The following ADGRV1 variants were observed in gnomAD, a reference collection of about 807,000 sequenced individuals.
The protein encoded by ADGRV1 is G-protein coupled receptor 98.
A neutral mutation model predicts 596.2 loss-of-function variants in ADGRV1; 359 were observed. That is an observed-to-expected ratio of 0.60 (90% CI 0.55 to 0.66). The LOEUF is 0.66. Ranked by LOEUF, ADGRV1 falls within the 30% of genes least tolerant of loss-of-function variation. The pLI, the probability that ADGRV1 is intolerant of heterozygous loss-of-function variation, is 0.00. For missense variants in ADGRV1, 7,274 were observed against 7,575.6 expected, an observed-to-expected ratio of 0.96 and a Z score of 1.48; for synonymous variants, 2,681 against 2,679.2, an observed-to-expected ratio of 1.00 and a Z score of -0.02.
intron 83 of ADGRV1, among the ~76,000 whole-genome samples, chr5:90,940,523 A>G (rs1329995212): frequency 2.0e-5 from 3 of 152,226 alleles, no homozygotes; most frequent in African/African-American, 7.2e-5. Context: ...ACATATATGC[A>G]CTGGGTATAA....
chr5:90,639,147 A>G (rs4588621), intron 11 of ADGRV1, among the ~76,000 whole-genome samples: 56,319 of 151,796 alleles, frequency 0.37, 11,545 homozygotes, highest in Admixed American at 0.54. Flanking sequence ...GTTTTAATAT[A>G]TGTTTCAGAC....
At chr5:90,998,510 C>G (rs1376997438) in intron 85 of ADGRV1, among the ~76,000 whole-genome samples, 2 of 151,934 alleles carry the variant, frequency 1.3e-5, no homozygotes, top group Non-Finnish European at 2.9e-5. Context: ...TTGTAATGTT[C>G]TATTGTGTTG....
intron 59 of ADGRV1, among the ~76,000 whole-genome samples, chr5:90,766,160 T>G (rs62373982): frequency 6.6e-6 from 1 of 152,080 alleles, no homozygotes; most frequent in African/African-American, 2.4e-5. Context: ...CCGCCCGCCT[T>G]GGCCTCCCAA....
chr5:90,596,055 G>C (rs553059278), intron 1 of ADGRV1, among the ~76,000 whole-genome samples: 19 of 144,064 alleles, frequency 1.3e-4, no homozygotes, highest in African/African-American at 5.0e-4. Flanking sequence ...CGGGCGGAGG[G>C]TCTCCTCACT....
chr5:90,567,098 T>C (rs930003018), intron 1 of ADGRV1, among the ~76,000 whole-genome samples: 2 of 152,168 alleles, frequency 1.3e-5, no homozygotes, highest in African/African-American at 4.8e-5. Flanking sequence ...TTTGGTACAT[T>C]GCATTAATTG....
At chr5:90,996,589 C>T (rs768482768) in intron 85 of ADGRV1, among the ~76,000 whole-genome samples, 2 of 152,152 alleles carry the variant, frequency 1.3e-5, no homozygotes, top group Non-Finnish European at 2.9e-5. Flanking sequence ...GGGTTGGAGT[C>T]CCGACACAGA....
intron 70 of ADGRV1, among the ~76,000 whole-genome samples, chr5:90,796,429 A>G (rs898718155): frequency 6.6e-6 from 1 of 152,168 alleles, no homozygotes; most frequent in Non-Finnish European, 1.5e-5. Context: ...GATTAGAGAA[A>G]AAAAAAATAA....
rs1760033298 is a variant in ADGRV1 at position 90,791,203 on chromosome 5, G to A, written c.14374G>A (p.Gly4792Arg). Residue 4792 changes from glycine (G) to arginine (R), a missense_variant, in exon 70 of 90, where the codon GGA becomes AGA. Physicochemically the swap from Gly to Arg is moderately radical, Grantham distance 125. Transcript: ENST00000405460. ...CCAAATTAACATAACCCGGCTTGCT[G>A]GAACATTTGGAGATGTGGCTGTTGG... ...SIQINITRLA[G>R]TFGDVAVGLR... is the part of the protein sequence containing the mutation. 6.2e-7 allele frequency: 1 copy of A among 1,613,756 alleles called. No homozygotes were observed. Among genetic ancestry groups the A allele is most frequent in the African/African-American group, 1.3e-5 (1 of 74,922 alleles).
rs908012058 is a variant in ADGRV1 at position 91,153,142 on chromosome 5, A to G, written c.18625-79A>G. 16 of 1,193,434 alleles carry G rather than the reference A, an allele frequency of 1.3e-5. No homozygotes were observed. In the Admixed American group the frequency reaches 2.0e-4, roughly 15 times the overall value. The allele number at this position is 1,193,434 out of a possible 1,614,324, so 73.9% of individuals were successfully genotyped here. A position where few individuals can be genotyped will look rare whatever the true frequency, so the allele number is the denominator to read the frequency against. Reference sequence around the variant, plus strand: ...TCTTTGTACGGAGAGGCAGAGATCAATTGTCCATTTGGGTTTCATAGTGAA... The same window carrying G: ...TCTTTGTACGGAGAGGCAGAGATCAGTTGTCCATTTGGGTTTCATAGTGAA... On this transcript the variant is annotated intron_variant, in intron 88 of 89. Transcript: ENST00000405460.
intron 87 of ADGRV1, among the ~76,000 whole-genome samples, chr5:91,141,814 G>T (rs1167725406): frequency 6.6e-6 from 1 of 152,174 alleles, no homozygotes; most frequent in Non-Finnish European, 1.5e-5. Flanking sequence ...CTTCCCAGGG[G>T]TGTCTGCCAA....
intron 85 of ADGRV1, among the ~76,000 whole-genome samples, chr5:91,066,034 G>A (rs1787856558): frequency 6.6e-6 from 1 of 152,170 alleles, no homozygotes; most frequent in South Asian, 2.1e-4. Flanking sequence ...GAAGTTCTTT[G>A]AAGCTGGTTG....
At position 90,972,157 on chromosome 5, in the gene ADGRV1, C is replaced by T. The variant is rs150348867; in HGVS notation, c.17973+6626C>T. Reference sequence around the variant, plus strand: ...AATTCAACAAGAAGAGCTGACTATCCTAAATATATATGCACCGAATACAGG... The same window carrying T: ...AATTCAACAAGAAGAGCTGACTATCTTAAATATATATGCACCGAATACAGG... On this transcript the variant is annotated intron_variant, in intron 84 of 89. Transcript: ENST00000405460. Among the ~76,000 whole-genome samples, 1,271 of 152,268 alleles carry T rather than the reference C, an allele frequency of 8.3e-3. 13 individuals are homozygous for T. The highest frequency in any genetic ancestry group is 0.029 in the African/African-American group (1,224 of 41,546).
At chr5:90,775,498 G>A (rs756072994) in intron 60 of ADGRV1, among the ~76,000 whole-genome samples, 1 of 151,974 alleles carries the variant, frequency 6.6e-6, no homozygotes, top group Admixed American at 6.6e-5. Flanking sequence ...TTTTTTTGAG[G>A]CAGGGTCTTG....
At chr5:90,630,824 G>C (rs1441254506) in intron 9 of ADGRV1, among the ~76,000 whole-genome samples, 1 of 151,940 alleles carries the variant, frequency 6.6e-6, no homozygotes, top group Non-Finnish European at 1.5e-5. Flanking sequence ...CTATATTATT[G>C]AGATCTTGCT....
At chr5:90,845,365 T>C (rs991507215) in intron 78 of ADGRV1, among the ~76,000 whole-genome samples, 1 of 152,184 alleles carries the variant, frequency 6.6e-6, no homozygotes, top group Non-Finnish European at 1.5e-5. Flanking sequence ...CTGAGTATTA[T>C]AGAAATGGCC....
At chr5:90,686,844 GT>G (rs1745724681) in intron 29 of ADGRV1, among the ~76,000 whole-genome samples, 1 of 152,136 alleles carries the variant, frequency 6.6e-6, no homozygotes, top group African/African-American at 2.4e-5. Flanking sequence ...GTGTAAAAGT[GT>G]TCCTATTTCT....
intron 1 of ADGRV1, among the ~76,000 whole-genome samples, chr5:90,612,911 A>G (rs1222275157): frequency 6.6e-6 from 1 of 152,096 alleles, no homozygotes; most frequent in Non-Finnish European, 1.5e-5. Flanking sequence ...TATACCAAGG[A>G]TGAGTTGGAT....
chr5:90,800,379 A>G (rs935082481), intron 70 of ADGRV1, among the ~76,000 whole-genome samples: 1 of 152,220 alleles, frequency 6.6e-6, no homozygotes, highest in African/African-American at 2.4e-5. Context: ...ATGAGATACT[A>G]TCTCACACCA....
chr5:90,802,842 C>T lies in ADGRV1; in HGVS notation c.14621C>T (p.Ser4874Phe), dbSNP rs748803919. 3.1e-6 allele frequency: 5 copies of T among 1,610,620 alleles called. No homozygotes were observed. The highest frequency in any genetic ancestry group is 3.4e-6 in the Non-Finnish European group (4 of 1,178,466). ...CCAACAATTCTTCAGGAAGCAAAAT[C>T]TGCTGTCCTTCCAGTCTCTGAGAAA... ...GMPTILQEAKSAVLPVSEKAA... is the reference protein window; with the variant it reads ...GMPTILQEAKFAVLPVSEKAA... Residue 4874 changes from serine to phenylalanine, a missense_variant, in exon 71 of 90, where the codon TCT (serine) becomes TTT (phenylalanine). By Grantham distance (155) the Ser-to-Phe change is radical. This residue lies in a region of ADGRV1 where 1,874 missense variants were observed against 1,970.2 expected (regional missense o/e 0.95). Transcript: ENST00000405460.
Sources: gnomAD v4.1 joint callset for allele counts (sites outside exome capture counted in the v4.1 genomes callset) on GRCh38, gnomAD v4.1.1 for gene constraint, gnomAD v4.1.1 regional missense constraint, MANE v1.5 for transcripts, NCBI Gene and HGNC (gene_info 2026-07-23, HGNC 2026-07-21) for gene names.